PTPRD: variants seen among roughly 807,000 people sequenced by gnomAD.
The protein encoded by PTPRD is receptor-type tyrosine-protein phosphatase delta.
Under a neutral mutation model 214.5 loss-of-function variants are expected in PTPRD, and 34 were observed. That is an observed-to-expected ratio of 0.16 (90% CI 0.12 to 0.21). The LOEUF (loss-of-function observed/expected upper bound fraction) is 0.21. Among genes scored for constraint, PTPRD ranks in the 10% least tolerant of loss-of-function variants. PTPRD has a pLI of 1.00. For synonymous variants in PTPRD, 1,128 were observed against 845.7 expected (o/e 1.33, Z -5.79); for missense variants, 2,545 against 2,398.7 (o/e 1.06, Z -1.27).
At chr9:10,353,792 G>T (rs185808875) in intron 2 of PTPRD, among the ~76,000 whole-genome samples, 2 of 151,808 alleles carry the variant, frequency 1.3e-5, no homozygotes, top group African/African-American at 4.8e-5. Context: ...AAAAAAAGGC[G>T]TTGGAATAAT....
intron 30 of PTPRD, among the ~76,000 whole-genome samples, chr9:8,475,486 C>T (rs1323908221): frequency 2.0e-5 from 3 of 152,138 alleles, no homozygotes; most frequent in Admixed American, 6.5e-5. Context: ...TCTCATTCCA[C>T]CTCAGGGCAT....
chr9:8,370,237 CATAT>C (rs977579355), intron 39 of PTPRD, among the ~76,000 whole-genome samples: 32 of 44,536 alleles, frequency 7.2e-4, no homozygotes, highest in East Asian at 2.9e-3. Context: ...CACACACACA[CATAT>C]ATATATATGT....
chr9:9,358,226 T>G (rs988930080), intron 9 of PTPRD, among the ~76,000 whole-genome samples: 3 of 151,330 alleles, frequency 2.0e-5, no homozygotes, highest in African/African-American at 7.3e-5. Flanking sequence ...TTTTTCTTAT[T>G]TAGGTTATAT....
chr9:10,165,252 A>G (rs1191136013), intron 3 of PTPRD, among the ~76,000 whole-genome samples: 1 of 151,730 alleles, frequency 6.6e-6, no homozygotes, highest in Non-Finnish European at 1.5e-5. Flanking sequence ...ATCTTTTTAC[A>G]TCTAACATTT....
intron 11 of PTPRD, among the ~76,000 whole-genome samples, chr9:8,846,629 G>A (rs930445982): frequency 2.6e-5 from 4 of 152,104 alleles, no homozygotes; most frequent in African/African-American, 9.7e-5. Flanking sequence ...CATTCCAAAT[G>A]GAAGAGAGAG....
At chr9:8,572,678 T>A (rs1490848620) in intron 14 of PTPRD, among the ~76,000 whole-genome samples, 7 of 151,972 alleles carry the variant, frequency 4.6e-5, no homozygotes, top group African/African-American at 1.7e-4. Context: ...TTGGAGGCAT[T>A]CAGAAATAGA....
intron 7 of PTPRD, among the ~76,000 whole-genome samples, chr9:9,681,524 G>A (rs941196817): frequency 6.6e-5 from 10 of 151,518 alleles, no homozygotes; most frequent in East Asian, 1.9e-4. Flanking sequence ...AAGTAATCCC[G>A]TCTAAACCCA....
chr9:8,315,638 A>AAAAAAAAG lies in PTPRD; in HGVS notation c.*2235_*2236insCTTTTTTT. 4.4e-6 allele frequency: 1 copy of AAAAAAAAG among 228,090 alleles called. No homozygotes were observed. The highest frequency in any genetic ancestry group is 8.7e-6 in the Non-Finnish European group (1 of 114,614). 14.1% of individuals were successfully genotyped at this position (228,090 alleles called of 1,614,324 possible). Reference sequence around the variant, plus strand: ...TAGATACTTTTTTTTAGTATTATATATATTTTCTTTTTTTTCTTTTTCTTT... The same window carrying AAAAAAAAG: ...TAGATACTTTTTTTTAGTATTATATAAAAAAAAGTATTTTCTTTTTTTTCTTTTTCTTT... On this transcript the variant is annotated 3_prime_UTR_variant, in exon 46 of 46. Transcript: ENST00000381196.
intron 2 of PTPRD, among the ~76,000 whole-genome samples, chr9:10,468,431 A>G (rs1293226170): frequency 6.6e-6 from 1 of 152,152 alleles, no homozygotes; most frequent in Non-Finnish European, 1.5e-5. Context: ...GTTCTCACTC[A>G]TAAGAGGGAG....
intron 12 of PTPRD, among the ~76,000 whole-genome samples, chr9:8,711,409 C>T (rs1281772171): frequency 3.9e-5 from 6 of 151,926 alleles, no homozygotes; most frequent in Admixed American, 2.6e-4. Flanking sequence ...TTAAAAAGGC[C>T]TTGATTTAAT....
intron 5 of PTPRD, among the ~76,000 whole-genome samples, chr9:9,797,845 T>A (rs960428584): frequency 6.6e-6 from 1 of 151,514 alleles, no homozygotes; most frequent in African/African-American, 2.4e-5. Context: ...CGAGACTTAA[T>A]CTCAAAAAAA....
At chr9:8,791,346 C>A (rs1262761213) in intron 11 of PTPRD, among the ~76,000 whole-genome samples, 1 of 151,746 alleles carries the variant, frequency 6.6e-6, no homozygotes, top group African/African-American at 2.4e-5. Context: ...CTGCCTTAGC[C>A]TCCTGAGTAG....
intron 11 of PTPRD, among the ~76,000 whole-genome samples, chr9:8,746,341 A>T (rs2154452630): frequency 6.6e-6 from 1 of 152,292 alleles, no homozygotes; most frequent in Non-Finnish European, 1.5e-5. Flanking sequence ...AAGTGATTTG[A>T]TAATAAAGTA....
intron 10 of PTPRD, among the ~76,000 whole-genome samples, chr9:9,038,331 T>C (rs1569486478): frequency 6.6e-6 from 1 of 152,072 alleles, no homozygotes. Context: ...TCCATCGCCT[T>C]TCCTTCGTCT....
At chr9:10,277,433 G>T (rs898219799) in intron 3 of PTPRD, among the ~76,000 whole-genome samples, 5 of 152,166 alleles carry the variant, frequency 3.3e-5, no homozygotes. Context: ...GGCACCACTA[G>T]TTTAGTTGTG....
chr9:8,405,762 CTATTA>C (rs1417556862), intron 35 of PTPRD, among the ~76,000 whole-genome samples: 7 of 152,006 alleles, frequency 4.6e-5, no homozygotes, highest in African/African-American at 1.7e-4. Context: ...AAAATATACT[CTATTA>C]TGTTAACATA....
chr9:9,436,150 T>C (rs1295297904), intron 8 of PTPRD, among the ~76,000 whole-genome samples: 1 of 152,200 alleles, frequency 6.6e-6, no homozygotes, highest in African/African-American at 2.4e-5. Context: ...AGCTGGCAAA[T>C]AAAGTTCCTT....
chr9:9,049,182 C>T (rs938809727), intron 10 of PTPRD, among the ~76,000 whole-genome samples: 7 of 152,120 alleles, frequency 4.6e-5, no homozygotes, highest in African/African-American at 1.4e-4. Flanking sequence ...GAACATTCTA[C>T]TGAAGAGTTA....
intron 10 of PTPRD, among the ~76,000 whole-genome samples, chr9:9,172,254 T>A (rs969552434): frequency 1.3e-5 from 2 of 152,150 alleles, no homozygotes; most frequent in African/African-American, 4.8e-5. Context: ...AAAAAGGGAA[T>A]GTATAAGAAT....
Sources: gnomAD v4.1 joint callset for allele counts (sites outside exome capture counted in the v4.1 genomes callset) on GRCh38, gnomAD v4.1.1 for gene constraint, MANE v1.5 for transcripts, NCBI Gene and HGNC (gene_info 2026-07-23, HGNC 2026-07-21) for gene names.